Variants in PCSK2 observed in about 807,000 individuals in gnomAD.
The protein encoded by PCSK2 is neuroendocrine convertase 2.
In PCSK2, 14 loss-of-function variants were observed where a neutral mutation model predicts 69.7. The observed-to-expected ratio is 0.20, with a 90% CI of 0.13 to 0.31. The LOEUF (loss-of-function observed/expected upper bound fraction) is 0.31, where lower values mean the gene tolerates loss of function less well. Ranked by LOEUF, PCSK2 falls within the 10% of genes least tolerant of loss-of-function variation. The pLI, the probability that PCSK2 is intolerant of heterozygous loss-of-function variation, is 1.00. For synonymous variants in PCSK2, 307 were observed against 320.7 expected, an observed-to-expected ratio of 0.96 and a Z score of 0.46; for missense variants, 544 against 842.5, an observed-to-expected ratio of 0.65 and a Z score of 4.39.
upstream of PCSK2, chr20:17,226,966 C>A (rs1186417537): frequency 1.8e-5 from 3 of 166,244 alleles, no homozygotes; most frequent in African/African-American, 7.2e-5. Context: ...TGGTGCTCTC[C>A]CCCAGCCCCT....
At chr20:17,241,702 CA>C (rs1272508711) in intron 1 of PCSK2, among the ~76,000 whole-genome samples, 2 of 152,232 alleles carry the variant, frequency 1.3e-5, no homozygotes, top group East Asian at 1.9e-4. Context: ...GTAGAGCAGC[CA>C]GTTCTATCCA....
At chr20:17,429,305 A>G in intron 6 of PCSK2, 130 bp from the exon 7 acceptor site, 2 of 697,126 alleles carry the variant, frequency 2.9e-6, no homozygotes. Flanking sequence ...TGACCTCTTC[A>G]GTGACACAGG....
At chr20:17,424,979 G>T (rs1252924158) in intron 6 of PCSK2, among the ~76,000 whole-genome samples, 1 of 150,666 alleles carries the variant, frequency 6.6e-6, no homozygotes, top group Non-Finnish European at 1.5e-5. Flanking sequence ...TAGAGACGGG[G>T]TTTCCAGGCT....
intron 4 of PCSK2, among the ~76,000 whole-genome samples, chr20:17,366,112 G>A (rs1168895603): frequency 1.3e-5 from 2 of 152,166 alleles, no homozygotes; most frequent in Admixed American, 1.3e-4. Flanking sequence ...TCTAGGGTTA[G>A]GGTTAGGGTT....
intron 5 of PCSK2, among the ~76,000 whole-genome samples, chr20:17,398,005 C>T (rs2031551308): frequency 6.6e-6 from 1 of 152,154 alleles, no homozygotes; most frequent in Non-Finnish European, 1.5e-5. Flanking sequence ...TAACTTGTTT[C>T]AATGCCCATT....
chr20:17,445,403 T>C (rs1021087319), intron 8 of PCSK2, among the ~76,000 whole-genome samples: 5 of 152,220 alleles, frequency 3.3e-5, no homozygotes, highest in African/African-American at 1.2e-4. Flanking sequence ...GAGGGAATAT[T>C]TTAGGAATAT....
At chr20:17,285,588 C>A (rs1988484512) in intron 2 of PCSK2, among the ~76,000 whole-genome samples, 1 of 152,174 alleles carries the variant, frequency 6.6e-6, no homozygotes, top group Non-Finnish European at 1.5e-5. Flanking sequence ...TCTCACTAGC[C>A]CTGAATTCTT....
chr20:17,449,137 C>A (rs950880442), intron 8 of PCSK2, among the ~76,000 whole-genome samples: 4 of 152,176 alleles, frequency 2.6e-5, no homozygotes, highest in Admixed American at 2.0e-4. Flanking sequence ...CAAGGCTCCA[C>A]TTCCCAGAGC....
chr20:17,264,438 T>G (rs1344929504), intron 2 of PCSK2, among the ~76,000 whole-genome samples: 1 of 152,214 alleles, frequency 6.6e-6, no homozygotes, highest in Non-Finnish European at 1.5e-5. Flanking sequence ...TGGATGATAT[T>G]TCCTTTGTGT....
intron 4 of PCSK2, among the ~76,000 whole-genome samples, chr20:17,362,653 A>G (rs2030438789): frequency 6.6e-6 from 1 of 152,198 alleles, no homozygotes; most frequent in South Asian, 2.1e-4. Flanking sequence ...AAAAGAGAAG[A>G]AGCAGAAGCT....
intron 8 of PCSK2, among the ~76,000 whole-genome samples, chr20:17,449,133 T>G (rs894373267): frequency 1.3e-5 from 2 of 152,088 alleles, no homozygotes; most frequent in Non-Finnish European, 2.9e-5. Context: ...GCCTCAAGGC[T>G]CCACTTCCCA....
intron 5 of PCSK2, among the ~76,000 whole-genome samples, chr20:17,408,886 A>G (rs1349088299): frequency 6.6e-5 from 10 of 152,222 alleles, no homozygotes; most frequent in Non-Finnish European, 5.9e-5. Context: ...TGTGAGAACT[A>G]GAACATCTGG....
rs558417380 is a variant in PCSK2, at chr20:17,457,739, G to T, written c.1202+1291G>T. Among the ~76,000 whole-genome samples, 10 of 152,334 alleles carry T rather than the reference G, an allele frequency of 6.6e-5. No individual in the cohort carries two copies. In the East Asian group the frequency reaches 7.7e-4, roughly 12 times the overall value. ...TGAGCTGGCCTTGCTCACTGCATCC[G>T]CAAGGAGACAATTAGCACAGCCTGC... On this transcript the variant is annotated intron_variant, in intron 10 of 11. Coordinates refer to ENST00000262545, the MANE Select transcript of PCSK2 (RefSeq NM_002594.5).
intron 5 of PCSK2, among the ~76,000 whole-genome samples, chr20:17,399,675 C>T (rs1442110649): frequency 6.6e-6 from 1 of 152,088 alleles, no homozygotes; most frequent in East Asian, 1.9e-4. Flanking sequence ...ACAGTCCTGC[C>T]GTGCGATGCC....
At chr20:17,256,428 C>T (rs1400019631) in intron 1 of PCSK2, among the ~76,000 whole-genome samples, 2 of 151,916 alleles carry the variant, frequency 1.3e-5, no homozygotes, top group African/African-American at 4.8e-5. Flanking sequence ...ATTATTTTTT[C>T]CTCTATGTGT....
chr20:17,268,033 G>GTATGTATATATATATATATATA (rs1433692727), intron 2 of PCSK2, among the ~76,000 whole-genome samples: 14 of 66,336 alleles, frequency 2.1e-4, no homozygotes, highest in Non-Finnish European at 3.8e-4. Flanking sequence ...TATCCAATGT[G>GTATGTATATATATATATATATA]TATATATATA....
chr20:17,337,583 T>C (rs1990389219), intron 2 of PCSK2, among the ~76,000 whole-genome samples: 1 of 152,120 alleles, frequency 6.6e-6, no homozygotes, highest in Admixed American at 6.6e-5. Context: ...CTTATCTTAC[T>C]TTATAAAGAT....
At chr20:17,236,413 G>A (rs946801410) in intron 1 of PCSK2, among the ~76,000 whole-genome samples, 1 of 151,978 alleles carries the variant, frequency 6.6e-6, no homozygotes, top group Non-Finnish European at 1.5e-5. Context: ...TTAATTACAT[G>A]TTTACTTATT....
intron 5 of PCSK2, among the ~76,000 whole-genome samples, chr20:17,405,760 T>C (rs2031737437): frequency 6.6e-6 from 1 of 152,204 alleles, no homozygotes; most frequent in Non-Finnish European, 1.5e-5. Flanking sequence ...CTTAGAATTA[T>C]TATATACCAG....
Sources: allele counts gnomAD v4.1 joint callset (sites outside exome capture counted in the v4.1 genomes callset), GRCh38; gene constraint gnomAD v4.1.1; transcripts MANE v1.5; gene names NCBI Gene and HGNC (gene_info 2026-07-23, HGNC 2026-07-21).